MARK1: variants seen among roughly 807,000 people sequenced by gnomAD.
MARK1 encodes the protein serine/threonine-protein kinase MARK1.
MARK1 carries 40 observed loss-of-function variants against 96.3 expected under a neutral mutation model. That is an observed-to-expected ratio of 0.42 (90% CI 0.32 to 0.54). The LOEUF is 0.54. Ranked by LOEUF, MARK1 falls within the 20% of genes least tolerant of loss-of-function variation. The pLI, the probability that MARK1 is intolerant of heterozygous loss-of-function variation, is 0.16. For synonymous variants in MARK1, 317 were observed against 341.2 expected, an observed-to-expected ratio of 0.93 and a Z score of 0.78; for missense variants, 719 against 984.6, an observed-to-expected ratio of 0.73 and a Z score of 3.61.
intron 1 of MARK1, among the ~76,000 whole-genome samples, chr1:220,546,641 T>C (rs1661508405): frequency 6.6e-6 from 1 of 152,232 alleles, no homozygotes; most frequent in Non-Finnish European, 1.5e-5. Flanking sequence ...ATATTATTGC[T>C]TTGTAAAGAT....
At chr1:220,652,262 GTGTT>G in intron 15 of MARK1, 112 bp downstream of exon 15, 1 of 826,290 alleles carries the variant, frequency 1.2e-6, no homozygotes, top group Non-Finnish European at 1.7e-6. Flanking sequence ...ATAAGATTCA[GTGTT>G]TGTTATGGAG....
At chr1:220,546,205 A>G (rs1044921195) in intron 1 of MARK1, among the ~76,000 whole-genome samples, 6 of 152,170 alleles carry the variant, frequency 3.9e-5, no homozygotes, top group African/African-American at 1.4e-4. Flanking sequence ...TAATACCCCT[A>G]TTACAATAGT....
chr1:220,592,230 A>ATATTATATTG (rs1323615153), intron 3 of MARK1, among the ~76,000 whole-genome samples: 1 of 124,720 alleles, frequency 8.0e-6, no homozygotes, highest in East Asian at 2.1e-4. Flanking sequence ...ATATTATATT[A>ATATTATATTG]TATTATATTA....
At position 220,632,248 on chromosome 1, in the gene MARK1, T is replaced by C; in HGVS notation, c.1057T>C (p.Leu353=). 1 of 1,562,512 alleles carries C rather than the reference T, an allele frequency of 6.4e-7. No homozygotes were observed. Among genetic ancestry groups the C allele is most frequent in the Admixed American group, 1.9e-5 (1 of 53,624 alleles). ...GFARDEINDA[L]INQKYDEVMA... ...TGCACGAGATGAAATAAATGATGCC[T>C]TAATAAATCAGAAGTATGATGAAGT... The change falls in exon 11 of 18, where the codon TTA becomes CTA. Residue 353 remains leucine, a synonymous_variant. Coordinates refer to ENST00000366917, the MANE Select transcript of MARK1 (RefSeq NM_018650.5).
chr1:220,550,718 TA>T (rs1304417942), intron 1 of MARK1, among the ~76,000 whole-genome samples: 1 of 152,228 alleles, frequency 6.6e-6, no homozygotes, highest in Non-Finnish European at 1.5e-5. Flanking sequence ...TAATGCTTGG[TA>T]TTTTTTTATT....
intron 16 of MARK1, 129 bp downstream of exon 16, chr1:220,653,481 C>A: frequency 1.0e-6 from 1 of 995,088 alleles, no homozygotes; most frequent in Non-Finnish European, 1.4e-6. Flanking sequence ...TGCTCTTTTA[C>A]AGAGTTGGAA....
intron 9 of MARK1, chr1:220,625,818 G>C: frequency 2.2e-6 from 1 of 460,020 alleles, no homozygotes; most frequent in Non-Finnish European, 4.4e-6. Context: ...TTATAGACAA[G>C]ACCATCCAAT....
chr1:220,591,601 A>G (rs989594237), intron 3 of MARK1, among the ~76,000 whole-genome samples: 2 of 152,194 alleles, frequency 1.3e-5, no homozygotes, highest in Non-Finnish European at 2.9e-5. Context: ...GCCCTCTTTC[A>G]TAGTGCAGTA....
intron 3 of MARK1, among the ~76,000 whole-genome samples, chr1:220,592,225 A>AT (rs1665041556): frequency 2.0e-5 from 1 of 51,112 alleles, no homozygotes; most frequent in African/African-American, 8.6e-5. Flanking sequence ...ATATCATATT[A>AT]TATTATATTA....
chr1:220,540,199 G>A (rs1002913073), intron 1 of MARK1, among the ~76,000 whole-genome samples: 1 of 152,150 alleles, frequency 6.6e-6, no homozygotes, highest in African/African-American at 2.4e-5. Context: ...GATTATGGAG[G>A]CCATGAAGTG....
intron 11 of MARK1, 117 bp from the exon 12 acceptor site, chr1:220,635,259 G>C: frequency 9.9e-7 from 1 of 1,011,654 alleles, no homozygotes; most frequent in Non-Finnish European, 1.4e-6. Flanking sequence ...TGTTTTTTCA[G>C]TTTGGATTAC....
intron 1 of MARK1, among the ~76,000 whole-genome samples, chr1:220,543,587 A>G (rs550463168): frequency 1.1e-4 from 17 of 152,280 alleles, no homozygotes; most frequent in Admixed American, 1.1e-3. Flanking sequence ...TTCTGCGTAT[A>G]AACTTCTGCT....
chr1:220,553,310 C>T (rs1371135037), intron 1 of MARK1, among the ~76,000 whole-genome samples: 1 of 152,210 alleles, frequency 6.6e-6, no homozygotes, highest in Non-Finnish European at 1.5e-5. Context: ...CGCCTGTACT[C>T]TTCCTTTGGT....
chr1:220,582,848 A>G (rs560504019), intron 3 of MARK1, among the ~76,000 whole-genome samples: 2 of 152,298 alleles, frequency 1.3e-5, no homozygotes, highest in Non-Finnish European at 2.9e-5. Context: ...AAATGATACA[A>G]TTTTGTTTTC....
chr1:220,536,597 C>A (rs916323256), intron 1 of MARK1, among the ~76,000 whole-genome samples: 1 of 151,544 alleles, frequency 6.6e-6, no homozygotes, highest in Admixed American at 6.6e-5. Context: ...ATTCTTTCAC[C>A]CAAGCTGGAG....
chr1:220,598,225 G>T, intron 3 of MARK1, 106 bp from the exon 4 acceptor site: 1 of 391,924 alleles, frequency 2.6e-6, no homozygotes. Context: ...CCAGAATCCT[G>T]TAGCATTTTG....
chr1:220,597,679 T>C (rs1665470468), intron 3 of MARK1, among the ~76,000 whole-genome samples: 1 of 152,202 alleles, frequency 6.6e-6, no homozygotes, highest in Admixed American at 6.5e-5. Context: ...TAACATATAC[T>C]CAAAGACATA....
chr1:220,620,087 C>T (rs1666968042), intron 9 of MARK1, among the ~76,000 whole-genome samples: 1 of 152,112 alleles, frequency 6.6e-6, no homozygotes, highest in Non-Finnish European at 1.5e-5. Flanking sequence ...ATGGCGACTT[C>T]CATTGGGAAA....
intron 17 of MARK1, among the ~76,000 whole-genome samples, chr1:220,658,748 T>A (rs1302269205): frequency 6.6e-6 from 1 of 152,246 alleles, no homozygotes; most frequent in Admixed American, 6.5e-5. Flanking sequence ...TAATTAACTT[T>A]GGAAAACTAT....
Sources: allele counts gnomAD v4.1 joint callset (sites outside exome capture counted in the v4.1 genomes callset), GRCh38; gene constraint gnomAD v4.1.1; transcripts MANE v1.5; gene names NCBI Gene and HGNC (gene_info 2026-07-23, HGNC 2026-07-21).